The following TRPM7 variants were observed in gnomAD, a reference collection of about 807,000 sequenced individuals.
TRPM7 encodes the protein transient receptor potential cation channel subfamily M member 7.
A neutral mutation model predicts 229.7 loss-of-function variants in TRPM7; 134 were observed. That is an observed-to-expected ratio of 0.58 (90% CI 0.51 to 0.67). TRPM7 has a LOEUF of 0.67. TRPM7 is among the 30% of genes least tolerant of loss of function. The pLI, the probability that TRPM7 is intolerant of heterozygous loss-of-function variation, is 0.00. For missense variants in TRPM7, 1,901 were observed against 2,210.0 expected (o/e 0.86, Z 2.80); for synonymous variants, 699 against 715.2 (o/e 0.98, Z 0.36).
At chr15:50,598,252 G>C (rs954198160) in intron 22 of TRPM7, among the ~76,000 whole-genome samples, 1 of 152,190 alleles carries the variant, frequency 6.6e-6, no homozygotes, top group African/African-American at 2.4e-5. Flanking sequence ...GAAGTCAGCA[G>C]AATATCACTG....
chr15:50,581,617 C>G (rs1566951700), intron 29 of TRPM7, among the ~76,000 whole-genome samples: 1 of 151,954 alleles, frequency 6.6e-6, no homozygotes, highest in Admixed American at 6.6e-5. Flanking sequence ...AGGCATATTT[C>G]ACTGCAGCCT....
chr15:50,605,010 G>A lies in TRPM7; in HGVS notation c.2844C>T (p.Asn948=), dbSNP rs2059884295. 1.2e-6 allele frequency: 2 copies of A among 1,613,742 alleles called. No individual in the cohort carries two copies. The highest frequency in any genetic ancestry group is 2.7e-5 in the African/African-American group (2 of 74,900). The change falls in exon 21 of 39, where the codon AAC becomes AAT. Residue 948 remains asparagine (N), a synonymous_variant. Coordinates refer to ENST00000646667, the MANE Select transcript of TRPM7 (RefSeq NM_017672.6). ...GFGLRFGAKW[N]FANAYDNHVF... is the part of the protein sequence containing the mutation. ...CATGATTATCATATGCATTTGCAAA[G>A]TTCCATTTTGCTCCAAATCTTAGTC... is the stretch of plus-strand genomic sequence containing the variant.
rs891676840 is a variant in TRPM7 at position 50,561,899 on chromosome 15, T to C, written c.5468-91A>G. 4.0e-5 allele frequency: 52 copies of C among 1,286,084 alleles called. No homozygotes were observed. The African/African-American group carries it at 7.3e-4, about 18-fold the overall frequency. The allele number at this position is 1,286,084 out of a possible 1,614,324, so 79.7% of individuals were successfully genotyped here. ...TTAGAAATGGAGAATTAGGAACCTT[T>C]TATTTTCTTTTCAAGACGGAGTTTC... On this transcript the variant is annotated intron_variant, in intron 38 of 38. Transcript: ENST00000646667.
chr15:50,640,383 C>T (rs2061059462), intron 5 of TRPM7, among the ~76,000 whole-genome samples: 1 of 151,870 alleles, frequency 6.6e-6, no homozygotes, highest in African/African-American at 2.4e-5. Flanking sequence ...CTCAAGTGAT[C>T]CTCCCACCTC....
intron 21 of TRPM7, 32 bp from the exon 22 acceptor site, chr15:50,599,328 G>C: frequency 6.5e-7 from 1 of 1,531,036 alleles, no homozygotes; most frequent in Non-Finnish European, 8.9e-7. Flanking sequence ...TAAAATACAA[G>C]GAAGTTTAAA....
chr15:50,628,297 A>C, intron 10 of TRPM7, 48 bp from the exon 11 acceptor site: 2 of 1,367,356 alleles, frequency 1.5e-6, no homozygotes, highest in Non-Finnish European at 2.1e-6. Context: ...ATTTATCTCC[A>C]TTAAAAGGTG....
chr15:50,659,511 C>T (rs565509772), intron 2 of TRPM7, among the ~76,000 whole-genome samples: 16 of 152,168 alleles, frequency 1.1e-4, no homozygotes, highest in African/African-American at 3.1e-4. Flanking sequence ...AAAGAAGTGA[C>T]GAGCTAACTG....
chr15:50,574,452 G>C lies in TRPM7; in HGVS notation c.5130C>G (p.Cys1710Trp). ...CAGCAAACCACTGTCCTGCTGAATG[G>C]CAATACAGCAGGAAAACTTCAAGGA... ...PRFLEVFLLY[C>W]HSAGQWFAVE... Residue 1710 changes from cysteine (C) to tryptophan (W), a missense_variant, in exon 36 of 39, where the codon TGC (cysteine) becomes TGG (tryptophan). Cys to Trp is a radical substitution (Grantham distance 215, BLOSUM62 -2). Coordinates refer to ENST00000646667, the MANE Select transcript of TRPM7 (RefSeq NM_017672.6). 1.9e-6 allele frequency: 3 copies of C among 1,613,270 alleles called. No homozygotes were observed. The highest frequency in any genetic ancestry group is 2.5e-6 in the Non-Finnish European group (3 of 1,179,828).
At chr15:50,592,708 A>T in intron 25 of TRPM7, 82 bp from the exon 26 acceptor site, 2 of 988,328 alleles carry the variant, frequency 2.0e-6, no homozygotes, top group South Asian at 3.5e-5. Flanking sequence ...TAATAATGAT[A>T]AAAAGAGAAA....
At chr15:50,618,616 C>T (rs12442721) in intron 13 of TRPM7, among the ~76,000 whole-genome samples, 22,064 of 104,350 alleles carry the variant, frequency 0.21, 2,057 homozygotes, top group East Asian at 0.42. Context: ...AATAAATAAA[C>T]GTATGTTAAA....
intron 1 of TRPM7, among the ~76,000 whole-genome samples, chr15:50,669,683 T>G (rs117612656): frequency 0.017 from 2,566 of 152,300 alleles, 34 homozygotes; most frequent in South Asian, 0.038. Flanking sequence ...TACCTGTCAG[T>G]AGATTCTAGT....
At chr15:50,637,084 C>G (rs1488055122) in intron 7 of TRPM7, among the ~76,000 whole-genome samples, 1 of 151,586 alleles carries the variant, frequency 6.6e-6, no homozygotes, top group Non-Finnish European at 1.5e-5. Context: ...CGAGATCATG[C>G]CACTGCACTC....
Position 50,648,701 on chromosome 15 carries a change from A to T in TRPM7, c.307T>A (p.Ser103Thr). ...GVINFQGGSH[S>T]YRAKYVRLSY... is the part of the protein sequence containing the mutation. ...ATGTGACATACCTTAGCTCTGTAGG[A>T]ATGAGAACCCCCTTGAAAATTTATG... The change falls in exon 4 of 39, where the codon TCC becomes ACC. Residue 103 changes from serine (S) to threonine (T), a missense_variant. Ser to Thr is a moderately conservative substitution (Grantham distance 58). Transcript: ENST00000646667. The T allele has an allele frequency of 6.2e-7, 1 of 1,607,728 alleles. No homozygotes were observed. Among genetic ancestry groups the T allele is most frequent in the South Asian group, 1.1e-5 (1 of 89,954 alleles).
Position 50,637,486 on chromosome 15 carries a change from A to G in TRPM7, c.768T>C (p.Tyr256=), listed in dbSNP as rs1463502256. 6.2e-7 allele frequency: 1 copy of G among 1,614,120 alleles called. No individual in the cohort carries two copies. The highest frequency in any genetic ancestry group is 1.3e-5 in the African/African-American group (1 of 75,058). The change falls in exon 7 of 39, where the codon TAT becomes TAC. Residue 256 remains tyrosine, a synonymous_variant. Coordinates refer to ENST00000646667, the MANE Select transcript of TRPM7 (RefSeq NM_017672.6). ...CTCTTCTCAGTCTGACTTCCGCCCC[A>G]TACTTTCCAACAGTGCCATCATCCA... ...ILVDDGTVGK[Y]GAEVRLRREL...
chr15:50,675,036 T>C (rs772509145), intron 1 of TRPM7, among the ~76,000 whole-genome samples: 1 of 152,110 alleles, frequency 6.6e-6, no homozygotes, highest in African/African-American at 2.4e-5. Flanking sequence ...CATAATGACA[T>C]TAGCATGTTT....
intron 1 of TRPM7, among the ~76,000 whole-genome samples, chr15:50,680,082 A>G (rs1334816821): frequency 6.6e-6 from 1 of 151,922 alleles, no homozygotes; most frequent in Non-Finnish European, 1.5e-5. Context: ...AAAAATACAA[A>G]TATTAGCTGG....
At chr15:50,647,331 A>T (rs2061299069) in intron 4 of TRPM7, among the ~76,000 whole-genome samples, 1 of 151,974 alleles carries the variant, frequency 6.6e-6, no homozygotes, top group Non-Finnish European at 1.5e-5. Flanking sequence ...GGGTTTCACT[A>T]TGTTGGCCAG....
At position 50,589,697 on chromosome 15, in the gene TRPM7, T is replaced by C. The variant is rs1358225190; in HGVS notation, c.4325-41A>G. The C allele has an allele frequency of 7.2e-6, 10 of 1,386,582 alleles. 1 individual carries two copies. In the South Asian group the frequency reaches 8.7e-5, roughly 12 times the overall value. The allele number at this position is 1,386,582 out of a possible 1,614,324, so 85.9% of individuals were successfully genotyped here. The stretch of plus-strand genomic sequence containing the variant: ...AGATGTTGCAATGAGAAATTTTTAT[T>C]TTTCTTCACCGAAATAATGGCACTG... On this transcript the variant is annotated intron_variant, in intron 26 of 38. Transcript: ENST00000646667.
In TRPM7 at chr15:50,624,125, A is replaced by G. The variant is rs965664892; in HGVS notation, c.1440+41T>C. 8 of 1,560,058 alleles carry G rather than the reference A, an allele frequency of 5.1e-6. No individual in the cohort carries two copies. The African/African-American group carries it at 1.1e-4, about 21-fold the overall frequency. ...TTCAGGTAAAGTAACATTTCCCAAA[A>G]GATAAAATGTAGTCAATAAAGAATT... On this transcript the variant is annotated intron_variant, in intron 12 of 38. Transcript: ENST00000646667.
Sources: allele counts gnomAD v4.1 joint callset (sites outside exome capture counted in the v4.1 genomes callset), GRCh38; gene constraint gnomAD v4.1.1; transcripts MANE v1.5; gene names NCBI Gene and HGNC (gene_info 2026-07-23, HGNC 2026-07-21).